Variants in SLCO3A1 observed in about 807,000 individuals in gnomAD.
SLCO3A1 encodes the protein PGE1 transporter.
A neutral mutation model predicts 63.1 loss-of-function variants in SLCO3A1; 27 were observed. The ratio of observed to expected loss-of-function variants is 0.43; its 90% CI spans 0.32 to 0.59. SLCO3A1 has a LOEUF of 0.59. Ranked by LOEUF, SLCO3A1 falls within the 20% of genes least tolerant of loss-of-function variation. The pLI, the probability that SLCO3A1 is intolerant of heterozygous loss-of-function variation, is 0.09. For missense variants in SLCO3A1, 773 were observed against 945.8 expected, an observed-to-expected ratio of 0.82 and a Z score of 2.40; for synonymous variants, 473 against 409.9, an observed-to-expected ratio of 1.15 and a Z score of -1.86.
At chr15:92,128,529 C>T (rs1341380220) in intron 7 of SLCO3A1, 40 bp downstream of exon 7, 10 of 1,561,582 alleles carry the variant, frequency 6.4e-6, no homozygotes, top group Non-Finnish European at 8.7e-6. Context: ...GGGATTCAGG[C>T]AGCTAAAGTG....
At chr15:92,085,322 G>A (rs2047392109) in intron 2 of SLCO3A1, among the ~76,000 whole-genome samples, 1 of 152,236 alleles carries the variant, frequency 6.6e-6, no homozygotes, top group East Asian at 1.9e-4. Context: ...CCTTTGAATA[G>A]CAAAGTTTAG....
chr15:92,076,535 G>A (rs1221456621), intron 2 of SLCO3A1, among the ~76,000 whole-genome samples: 1 of 152,166 alleles, frequency 6.6e-6, no homozygotes, highest in South Asian at 2.1e-4. Context: ...ATGGGGCCTG[G>A]GCATGAATCC....
At chr15:92,018,005 G>A (rs1490917191) in intron 2 of SLCO3A1, among the ~76,000 whole-genome samples, 1 of 152,198 alleles carries the variant, frequency 6.6e-6, no homozygotes, top group Admixed American at 6.5e-5. Flanking sequence ...GATGAGTGGA[G>A]GAGGATGGAT....
At chr15:92,100,093 C>A (rs575814681) in intron 3 of SLCO3A1, among the ~76,000 whole-genome samples, 1 of 151,326 alleles carries the variant, frequency 6.6e-6, no homozygotes, top group Non-Finnish European at 1.5e-5. Context: ...AACAAAAAAA[C>A]GGAAAATGGA....
intron 1 of SLCO3A1, among the ~76,000 whole-genome samples, chr15:91,866,005 T>C (rs1003080947): frequency 8.5e-5 from 13 of 152,278 alleles, no homozygotes; most frequent in African/African-American, 2.6e-4. Flanking sequence ...CCCAAAGATA[T>C]CATTTCAATC....
Position 91,897,899 on chromosome 15 carries a change from G to A in SLCO3A1, c.181-18094G>A, listed in dbSNP as rs901818663. On this transcript the variant is annotated intron_variant, in intron 1 of 9. Coordinates refer to ENST00000318445, the MANE Select transcript of SLCO3A1 (RefSeq NM_013272.4). The surrounding 1 kb of genome is among the most constrained non-coding windows in gnomAD (Gnocchi z 4.7). ...CTGAAACTGCAGGGCAGAGCCAGGC[G>A]AAGTTGAGAACAAGAAGGAATCGCT... is the stretch of plus-strand genomic sequence containing the variant. Among the ~76,000 whole-genome samples, 13 of 151,978 alleles carry A rather than the reference G, an allele frequency of 8.6e-5. No individual in the cohort carries two copies. Among genetic ancestry groups the A allele is most frequent in the Admixed American group, 6.5e-4 (10 of 15,274 alleles).
intron 7 of SLCO3A1, among the ~76,000 whole-genome samples, chr15:92,142,706 C>T (rs1476464429): frequency 2.0e-5 from 3 of 152,190 alleles, no homozygotes; most frequent in African/African-American, 2.4e-5. Flanking sequence ...GACAAGGACA[C>T]ATTTAGCTCA....
intron 2 of SLCO3A1, among the ~76,000 whole-genome samples, chr15:92,036,598 T>A (rs974379272): frequency 2.6e-5 from 4 of 152,108 alleles, no homozygotes; most frequent in Non-Finnish European, 5.9e-5. Context: ...ATCAAAAAAA[T>A]TGTTTCCATT....
intron 9 of SLCO3A1, among the ~76,000 whole-genome samples, chr15:92,156,129 G>A (rs1044808949): frequency 9.9e-5 from 15 of 152,250 alleles, no homozygotes; most frequent in Middle Eastern, 3.4e-3. Flanking sequence ...TGTGAGCATC[G>A]TCTTGCATAT....
intron 1 of SLCO3A1, among the ~76,000 whole-genome samples, chr15:91,870,872 CTT>C (rs59791410): frequency 2.0e-5 from 3 of 150,394 alleles, no homozygotes; most frequent in Admixed American, 6.6e-5. Flanking sequence ...GATCTACAAT[CTT>C]TTTTTTTTCC....
chr15:91,920,292 C>T (rs1260009319), intron 2 of SLCO3A1, among the ~76,000 whole-genome samples: 2 of 152,080 alleles, frequency 1.3e-5, no homozygotes, highest in Admixed American at 1.3e-4. Context: ...GGTGCACGGT[C>T]CAGGGAGTCA....
chr15:92,049,768 T>G (rs1323148335), intron 2 of SLCO3A1, among the ~76,000 whole-genome samples: 1 of 152,150 alleles, frequency 6.6e-6, no homozygotes, highest in Non-Finnish European at 1.5e-5. Context: ...ATTACTGACA[T>G]TTAGGGCCAT....
At chr15:91,935,155 T>C (rs976344890) in intron 2 of SLCO3A1, among the ~76,000 whole-genome samples, 4 of 152,190 alleles carry the variant, frequency 2.6e-5, no homozygotes, top group Non-Finnish European at 5.9e-5. Flanking sequence ...GGTTTCACCA[T>C]GTTGGCCAGG....
Position 92,025,971 on chromosome 15 carries a change from T to G in SLCO3A1, c.647-68910T>G, listed in dbSNP as rs1245528802. On this transcript the variant is annotated intron_variant, in intron 2 of 9. Coordinates refer to ENST00000318445, the MANE Select transcript of SLCO3A1 (RefSeq NM_013272.4). ...TTATTGAGCTAGAGTGATCTGCTGT[T>G]GGCACTGATTGTTTACATATCTCAG... 2.0e-5 allele frequency among the ~76,000 whole-genome samples: 3 copies of G among 152,242 alleles called. No homozygotes were observed. In the East Asian group the frequency reaches 5.8e-4, roughly 29 times the overall value.
At chr15:92,134,388 G>T (rs1251060993) in intron 7 of SLCO3A1, among the ~76,000 whole-genome samples, 1 of 152,184 alleles carries the variant, frequency 6.6e-6, no homozygotes, top group East Asian at 1.9e-4. Context: ...GCTAGGCATT[G>T]TAAGTGTAGA....
chr15:92,121,903 C>T (rs1242406380), intron 5 of SLCO3A1, among the ~76,000 whole-genome samples: 1 of 152,152 alleles, frequency 6.6e-6, no homozygotes, highest in Admixed American at 6.5e-5. Flanking sequence ...CAGCTTGCAG[C>T]CTGTGTGAGG....
chr15:92,039,595 G>GT (rs898988508), intron 2 of SLCO3A1, among the ~76,000 whole-genome samples: 1 of 152,196 alleles, frequency 6.6e-6, no homozygotes, highest in African/African-American at 2.4e-5. Context: ...TGGAGAAATA[G>GT]TAACACTTTT....
rs756758471 is a variant in SLCO3A1, at chr15:92,164,007, C to T, written c.*872C>T. On this transcript the variant is annotated 3_prime_UTR_variant, in exon 10 of 10. Coordinates refer to ENST00000318445, the MANE Select transcript of SLCO3A1 (RefSeq NM_013272.4). Reference sequence around the variant, plus strand: ...CAACGCAGTCCAAGTCATTTGCTTACATTTGCCAAAAACATTTTGCCATTT... The same window carrying T: ...CAACGCAGTCCAAGTCATTTGCTTATATTTGCCAAAAACATTTTGCCATTT... 3 of 984,888 alleles carry T rather than the reference C, an allele frequency of 3.0e-6. No individual in the cohort carries two copies. The highest frequency in any genetic ancestry group is 2.4e-6 in the Non-Finnish European group (2 of 829,934). The allele number at this position is 984,888 out of a possible 1,614,324, so 61.0% of individuals were successfully genotyped here. A position where few individuals can be genotyped will look rare whatever the true frequency, so the allele number is the denominator to read the frequency against.
chr15:91,979,521 C>G (rs530009475), intron 2 of SLCO3A1, among the ~76,000 whole-genome samples: 4 of 152,242 alleles, frequency 2.6e-5, no homozygotes, highest in South Asian at 2.1e-4. Context: ...TTAGCAGAAC[C>G]TTTCTTCTTT....
Sources: allele counts gnomAD v4.1 joint callset (sites outside exome capture counted in the v4.1 genomes callset), GRCh38; gene constraint gnomAD v4.1.1; non-coding constraint Gnocchi (gnomAD v3.1); transcripts MANE v1.5; gene names NCBI Gene and HGNC (gene_info 2026-07-23, HGNC 2026-07-21).